The following YTHDC1 variants were observed in gnomAD, a reference collection of about 807,000 sequenced individuals.
The protein encoded by YTHDC1 is YTH domain-containing protein 1.
In YTHDC1, 12 loss-of-function variants were observed where a neutral mutation model predicts 107.0. The observed-to-expected ratio is 0.11, with a 90% confidence interval of 0.07 to 0.18. The LOEUF is 0.18. Among genes scored for constraint, YTHDC1 ranks in the 10% least tolerant of loss-of-function variants. The pLI is 1.00. For synonymous variants in YTHDC1, 280 were observed against 289.5 expected (o/e 0.97, Z 0.33); for missense variants, 635 against 898.8 (o/e 0.71, Z 3.75).
intron 1 of YTHDC1, among the ~76,000 whole-genome samples, chr4:68,346,100 T>TATAC (rs144743953): frequency 0.14 from 19,391 of 133,800 alleles, 1,463 homozygotes; most frequent in East Asian, 0.22. Context: ...TATATATATA[T>TATAC]ACACACACAC....
chr4:68,326,739 C>T (rs1348429446), intron 9 of YTHDC1, among the ~76,000 whole-genome samples: 1 of 151,600 alleles, frequency 6.6e-6, no homozygotes, highest in Non-Finnish European at 1.5e-5. Context: ...TACAGGCATG[C>T]GCCACCACAT....
At chr4:68,327,263 G>A (rs1286560850) in intron 9 of YTHDC1, among the ~76,000 whole-genome samples, 1 of 151,926 alleles carries the variant, frequency 6.6e-6, no homozygotes, top group Non-Finnish European at 1.5e-5. Flanking sequence ...AAAATGGAGA[G>A]ACTCTAAATG....
rs1309128806 is a variant in YTHDC1 at position 68,332,172 on chromosome 4, C to T, written c.1053G>A (p.Val351=). ...RKDQTSKLKY[V]LQDARFFLIK... is the part of the protein sequence containing the mutation. ...TGAGGAAAAATCTTGCATCTTGAAG[C>T]ACATATTTGAGTTTACTGGTTTGAT... Residue 351 remains valine, a synonymous_variant, in exon 7 of 17, where the codon GTG becomes GTA. Transcript: ENST00000344157. The T allele has an allele frequency of 2.5e-6, 4 of 1,604,704 alleles. No individual in the cohort carries two copies. The highest frequency in any genetic ancestry group is 2.6e-6 in the Non-Finnish European group (3 of 1,175,318).
chr4:68,336,643 T>C (rs1306262891), intron 4 of YTHDC1, among the ~76,000 whole-genome samples: 1 of 152,184 alleles, frequency 6.6e-6, no homozygotes, highest in East Asian at 1.9e-4. Context: ...AGGGGTATTT[T>C]ACCAAGGAAA....
rs377644154 is a variant in YTHDC1, at chr4:68,349,652, C to T, written c.28+74G>A. Reference sequence around the variant, plus strand: ...CCCAACCCCCACCCCCCACCCCCAACGACGACCACTGCTCCATCACCCCAC... The same window carrying T: ...CCCAACCCCCACCCCCCACCCCCAATGACGACCACTGCTCCATCACCCCAC... On this transcript the variant is annotated intron_variant, in intron 1 of 16. Coordinates refer to ENST00000344157, the MANE Select transcript of YTHDC1 (RefSeq NM_001031732.4). 2.4e-5 allele frequency: 10 copies of T among 417,326 alleles called. 1 individual carries two copies. Among genetic ancestry groups the T allele is most frequent in the Middle Eastern group, 3.7e-4 (1 of 2,686 alleles). 25.9% of individuals were successfully genotyped at this position (417,326 alleles called of 1,614,324 possible). A position where few individuals can be genotyped will look rare whatever the true frequency, so the allele number is the denominator to read the frequency against.
At chr4:68,324,114 TA>T in intron 10 of YTHDC1, 24 bp downstream of exon 10, 1 of 1,592,604 alleles carries the variant, frequency 6.3e-7, no homozygotes, top group Non-Finnish European at 8.6e-7. Flanking sequence ...TGTGTTTTTT[TA>T]AAGAATCAAT....
chr4:68,335,064 C>G (rs748010420), intron 4 of YTHDC1, among the ~76,000 whole-genome samples: 15 of 152,104 alleles, frequency 9.9e-5, no homozygotes, highest in Non-Finnish European at 1.8e-4. Context: ...CCAACTATTA[C>G]TCTCAGGTCA....
intron 1 of YTHDC1, among the ~76,000 whole-genome samples, chr4:68,341,105 T>C (rs1270392599): frequency 5.3e-5 from 8 of 152,112 alleles, no homozygotes; most frequent in East Asian, 3.8e-4. Context: ...TCATATAAAA[T>C]AGAGCATGTT....
At chr4:68,345,803 T>C (rs1725342689) in intron 1 of YTHDC1, among the ~76,000 whole-genome samples, 1 of 152,096 alleles carries the variant, frequency 6.6e-6, no homozygotes, top group South Asian at 2.1e-4. Flanking sequence ...ACAAATGTTG[T>C]GGCACAGTCA....
chr4:68,329,346 C>A (rs914859016), intron 9 of YTHDC1, among the ~76,000 whole-genome samples: 1 of 152,146 alleles, frequency 6.6e-6, no homozygotes, highest in African/African-American at 2.4e-5. Context: ...CCGACCCCTT[C>A]AGGCTCATCA....
intron 1 of YTHDC1, 43 bp from the exon 2 acceptor site, chr4:68,338,427 T>C (rs1724465764): frequency 6.9e-7 from 1 of 1,455,606 alleles, no homozygotes; most frequent in Non-Finnish European, 9.4e-7. Flanking sequence ...ATCACTATCA[T>C]TGAACATGTA....
In YTHDC1 at chr4:68,330,118, C is replaced by T. The variant is rs773605586; in HGVS notation, c.1233G>A (p.Gly411=). Residue 411 remains glycine, a splice_region_variant and synonymous_variant, in exon 9 of 17, where the codon GGG becomes GGA. Coordinates refer to ENST00000344157, the MANE Select transcript of YTHDC1 (RefSeq NM_001031732.4). ...FSVRESGKFQ[G]FARLSSESHH... ...GTGATTCTGAAGAAAGTCTTGCAAA[C>T]CCTAAGAGAATCATATCATAATATA... is the stretch of plus-strand genomic sequence containing the variant. 1 of 1,610,946 alleles carries T rather than the reference C, an allele frequency of 6.2e-7. No homozygotes were observed.
At chr4:68,345,450 T>C (rs1483599866) in intron 1 of YTHDC1, among the ~76,000 whole-genome samples, 1 of 152,172 alleles carries the variant, frequency 6.6e-6, no homozygotes, top group Admixed American at 6.5e-5. Flanking sequence ...GACTTGGCAA[T>C]GGAGCAAGAT....
At chr4:68,332,069 A>T in intron 7 of YTHDC1, 34 bp downstream of exon 7, 1 of 1,401,814 alleles carries the variant, frequency 7.1e-7, no homozygotes, top group Non-Finnish European at 9.8e-7. Flanking sequence ...AAATTTTGAT[A>T]TTAGGATAGT....
At chr4:68,326,177 C>T (rs529449338) in intron 9 of YTHDC1, among the ~76,000 whole-genome samples, 1 of 151,888 alleles carries the variant, frequency 6.6e-6, no homozygotes, top group African/African-American at 2.4e-5. Context: ...CAATTAAATA[C>T]CCACGATCCA....
At chr4:68,346,299 C>T (rs1237582133) in intron 1 of YTHDC1, among the ~76,000 whole-genome samples, 2 of 151,966 alleles carry the variant, frequency 1.3e-5, no homozygotes, top group African/African-American at 4.8e-5. Flanking sequence ...CCTGTAGTCC[C>T]AGCTACTAGG....
In YTHDC1 at chr4:68,339,591, T is replaced by G. The variant is rs889825366; in HGVS notation, c.29-1207A>C. 2.6e-5 allele frequency among the ~76,000 whole-genome samples: 3 copies of G among 113,370 alleles called. 1 individual carries two copies. In the South Asian group the frequency reaches 1.1e-3, roughly 43 times the overall value. 74.4% of individuals were successfully genotyped at this position (113,370 alleles called of 152,430 possible). ...TTACAAATGGTTCAGGAAAAAAGTG[T>G]GCACACATGCACGTACACACACAGA... On this transcript the variant is annotated intron_variant, in intron 1 of 16. Coordinates refer to ENST00000344157, the MANE Select transcript of YTHDC1 (RefSeq NM_001031732.4).
At chr4:68,349,663 GCTC>G in intron 1 of YTHDC1, 60 bp downstream of exon 1, 4 of 1,449,246 alleles carry the variant, frequency 2.8e-6, no homozygotes, top group Non-Finnish European at 3.7e-6. Flanking sequence ...GACGACCACT[GCTC>G]CATCACCCCA....
chr4:68,334,902 A>C (rs1723985189), intron 4 of YTHDC1, among the ~76,000 whole-genome samples: 1 of 152,160 alleles, frequency 6.6e-6, no homozygotes, highest in Non-Finnish European at 1.5e-5. Context: ...AAAAGATCTG[A>C]GATAATGCAG....
Sources: gnomAD v4.1 joint callset for allele counts (sites outside exome capture counted in the v4.1 genomes callset) on GRCh38, gnomAD v4.1.1 for gene constraint, MANE v1.5 for transcripts, NCBI Gene and HGNC (gene_info 2026-07-23, HGNC 2026-07-21) for gene names.